The following CACNA1E variants were observed in gnomAD, a reference collection of about 807,000 sequenced individuals.
CACNA1E encodes the protein calcium voltage-gated channel subunit alpha1 E, also known as voltage-dependent R-type calcium channel subunit alpha-1E.
Under a neutral mutation model 259.2 loss-of-function variants are expected in CACNA1E, and 40 were observed. That is an observed-to-expected ratio of 0.15 (90% CI 0.12 to 0.20). CACNA1E has a LOEUF of 0.20. Ranked by LOEUF, CACNA1E falls within the 10% of genes least tolerant of loss-of-function variation. The probability of loss-of-function intolerance (pLI) is 1.00; values close to 1 mark genes in which losing one functional copy is unlikely to be tolerated. For synonymous variants in CACNA1E, 1,104 were observed against 1,138.5 expected, an observed-to-expected ratio of 0.97 and a Z score of 0.61; for missense variants, 1,874 against 3,040.1, an observed-to-expected ratio of 0.62 and a Z score of 9.02.
At chr1:181,558,229 G>A (rs1008389576) in intron 3 of CACNA1E, among the ~76,000 whole-genome samples, 6 of 152,314 alleles carry the variant, frequency 3.9e-5, no homozygotes, top group Non-Finnish European at 8.8e-5. Flanking sequence ...TCATATAGAT[G>A]CTGGGATGAG....
At chr1:181,366,378 G>C (rs1434545963) in intron 1 of CACNA1E, among the ~76,000 whole-genome samples, 1 of 152,182 alleles carries the variant, frequency 6.6e-6, no homozygotes, top group East Asian at 1.9e-4. Context: ...CAGGTTGCAC[G>C]AGACCTAGTT....
chr1:181,399,062 C>T (rs561095802), intron 1 of CACNA1E, among the ~76,000 whole-genome samples: 2 of 152,172 alleles, frequency 1.3e-5, no homozygotes, highest in African/African-American at 2.4e-5. Flanking sequence ...GTGAGTCCCC[C>T]CACCACATCC....
At chr1:181,552,771 G>A (rs1020972513) in intron 3 of CACNA1E, among the ~76,000 whole-genome samples, 6 of 150,934 alleles carry the variant, frequency 4.0e-5, no homozygotes, top group Admixed American at 1.3e-4. Flanking sequence ...CCCTCCCCTC[G>A]CCCCCACCCC....
intron 1 of CACNA1E, among the ~76,000 whole-genome samples, chr1:181,405,489 C>T (rs1657400027): frequency 6.6e-6 from 1 of 152,206 alleles, no homozygotes; most frequent in Non-Finnish European, 1.5e-5. Context: ...ATTTTGTTTT[C>T]TTTCCAGTTA....
At chr1:181,687,927 A>ATTAT (rs1163558671) in intron 7 of CACNA1E, among the ~76,000 whole-genome samples, 3 of 152,046 alleles carry the variant, frequency 2.0e-5, no homozygotes, top group Non-Finnish European at 2.9e-5. Context: ...TTTTTCTCTT[A>ATTAT]TTATTCAATA....
intron 6 of CACNA1E, among the ~76,000 whole-genome samples, chr1:181,603,789 C>T (rs531436673): frequency 3.3e-5 from 5 of 152,272 alleles, no homozygotes; most frequent in Middle Eastern, 3.4e-3. Flanking sequence ...CTCAGAGGGG[C>T]CAGTTGTCTT....
At chr1:181,713,381 C>G (rs1558295815) in intron 8 of CACNA1E, among the ~76,000 whole-genome samples, 3 of 152,134 alleles carry the variant, frequency 2.0e-5, no homozygotes, top group African/African-American at 7.2e-5. Context: ...CTTAAAAACC[C>G]TTTATGTCTG....
At chr1:181,599,107 C>A (rs111232728) in intron 6 of CACNA1E, among the ~76,000 whole-genome samples, 17,930 of 151,944 alleles carry the variant, frequency 0.12, 1,490 homozygotes, top group African/African-American at 0.22. Context: ...GCCTCTCCCC[C>A]CTCCCCACTC....
chr1:181,658,002 T>G (rs1659348319), intron 7 of CACNA1E, among the ~76,000 whole-genome samples: 1 of 152,226 alleles, frequency 6.6e-6, no homozygotes, highest in Non-Finnish European at 1.5e-5. Flanking sequence ...GCTCTCCTCT[T>G]GTATTTCTAC....
chr1:181,639,303 T>A (rs1021176337), intron 6 of CACNA1E, among the ~76,000 whole-genome samples: 1 of 152,198 alleles, frequency 6.6e-6, no homozygotes, highest in Admixed American at 6.5e-5. Context: ...TTAGCCAGGA[T>A]GGTCTCGATC....
intron 21 of CACNA1E, among the ~76,000 whole-genome samples, chr1:181,735,146 A>G (rs975983032): frequency 7.2e-5 from 11 of 152,148 alleles, no homozygotes; most frequent in African/African-American, 2.4e-4. Context: ...AGAAAGTGCA[A>G]TCTCCCATGT....
intron 6 of CACNA1E, among the ~76,000 whole-genome samples, chr1:181,602,874 A>G (rs966979139): frequency 2.6e-5 from 4 of 152,226 alleles, no homozygotes; most frequent in East Asian, 3.8e-4. Context: ...AAAAACAACC[A>G]TTCATTGAGT....
Position 181,806,858 on chromosome 1 carries a change from C to A in CACNA1E, c.*8024C>A. The A allele has an allele frequency of 6.6e-6, 1 of 152,302 alleles. No homozygotes were observed. The highest frequency in any genetic ancestry group is 1.5e-5 in the Non-Finnish European group (1 of 68,036). The allele number at this position is 152,302 out of a possible 1,614,324, so 9.4% of individuals were successfully genotyped here. A position where few individuals can be genotyped will look rare whatever the true frequency, so the allele number is the denominator to read the frequency against. On this transcript the variant is annotated 3_prime_UTR_variant, in exon 48 of 48. Coordinates refer to ENST00000367573, the MANE Select transcript of CACNA1E (RefSeq NM_001205293.3). ...GAAAGGGAAATCATGGGAGTGAAGC[C>A]TGCCAGGACCCTCAGGGTAAGCTGG...
intron 4 of CACNA1E, 22 bp from the exon 5 acceptor site, chr1:181,579,050 C>T (rs1651263827): frequency 1.9e-6 from 3 of 1,583,544 alleles, no homozygotes; most frequent in Middle Eastern, 1.7e-4. Context: ...CTGCATTGGT[C>T]ATTCTCTGTC....
intron 1 of CACNA1E, among the ~76,000 whole-genome samples, chr1:181,325,772 C>T (rs1650731388): frequency 6.6e-6 from 1 of 152,154 alleles, no homozygotes; most frequent in Non-Finnish European, 1.5e-5. Flanking sequence ...GCACCACTGT[C>T]CATCCGGAAT....
rs748920219 is a variant in CACNA1E, at chr1:181,745,305, A to G, written c.3720-5171A>G. The G allele has an allele frequency of 1.1e-5, 5 of 458,230 alleles. No homozygotes were observed. In the Admixed American group the frequency reaches 1.3e-4, roughly 12 times the overall value. 28.4% of individuals were successfully genotyped at this position (458,230 alleles called of 1,614,324 possible). On this transcript the variant is annotated intron_variant, in intron 25 of 47. Coordinates refer to ENST00000367573, the MANE Select transcript of CACNA1E (RefSeq NM_001205293.3). ...TCACTTTGAGACCTTTATCTTATGG[A>G]GGCAATGGGTGTGAACACCCAAGTA... is the stretch of plus-strand genomic sequence containing the variant.
intron 3 of CACNA1E, among the ~76,000 whole-genome samples, chr1:181,546,205 G>T (rs1442497646): frequency 6.6e-6 from 1 of 152,148 alleles, no homozygotes; most frequent in Non-Finnish European, 1.5e-5. Context: ...GGCAGCGTGT[G>T]CCATCCCTGA....
intron 3 of CACNA1E, among the ~76,000 whole-genome samples, chr1:181,565,896 GGAGA>G (rs140179613): frequency 0.3 from 45,604 of 151,636 alleles, 6,928 homozygotes; most frequent in Middle Eastern, 0.39. Flanking sequence ...GGGTACCTGC[GGAGA>G]GAAAGTGTGT....
chr1:181,751,886 T>G, intron 26 of CACNA1E: 1 of 620,570 alleles, frequency 1.6e-6, no homozygotes, highest in South Asian at 1.5e-5. Flanking sequence ...TGTTCCTCTG[T>G]GTGTGTATAT....
Sources: gnomAD v4.1 joint callset for allele counts (sites outside exome capture counted in the v4.1 genomes callset) on GRCh38, gnomAD v4.1.1 for gene constraint, MANE v1.5 for transcripts, NCBI Gene and HGNC (gene_info 2026-07-23, HGNC 2026-07-21) for gene names.